HS6ST3: variants seen among roughly 807,000 people sequenced by gnomAD.
HS6ST3 encodes heparan-sulfate 6-O-sulfotransferase 3.
A neutral mutation model predicts 36.7 loss-of-function variants in HS6ST3; 12 were observed. The observed-to-expected ratio is 0.33, with a 90% confidence interval of 0.21 to 0.53. The LOEUF (loss-of-function observed/expected upper bound fraction) is 0.53, where lower values mean the gene tolerates loss of function less well. Ranked by LOEUF, HS6ST3 falls within the 20% of genes least tolerant of loss-of-function variation. HS6ST3 has a pLI of 0.95. For missense variants in HS6ST3, 584 were observed against 640.9 expected, an observed-to-expected ratio of 0.91 and a Z score of 0.96; for synonymous variants, 240 against 257.5, an observed-to-expected ratio of 0.93 and a Z score of 0.65.
rs74107106 is a variant in HS6ST3 at position 96,679,284 on chromosome 13, A to G, written c.708-153206A>G. On this transcript the variant is annotated intron_variant, in intron 1 of 1. Transcript: ENST00000376705. ...CGTAGTATCCTAATATAACAGCTAAAGTGGACTGATGTCTGAGCTAATTAA... is the reference window on the plus strand; with the variant it reads ...CGTAGTATCCTAATATAACAGCTAAGGTGGACTGATGTCTGAGCTAATTAA... 8.2e-3 allele frequency among the ~76,000 whole-genome samples: 1,238 copies of G among 151,720 alleles called. 20 individuals carry two copies. Among genetic ancestry groups the G allele is most frequent in the African/African-American group, 0.028 (1,151 of 41,348 alleles).
chr13:96,753,392 A>G (rs1876745643), intron 1 of HS6ST3, among the ~76,000 whole-genome samples: 1 of 152,184 alleles, frequency 6.6e-6, no homozygotes, highest in South Asian at 2.1e-4. Flanking sequence ...CTTTGATGTT[A>G]TTCAGTAAAG....
chr13:96,786,121 C>T (rs1408729826), intron 1 of HS6ST3, among the ~76,000 whole-genome samples: 1 of 152,098 alleles, frequency 6.6e-6, no homozygotes, highest in Non-Finnish European at 1.5e-5. Flanking sequence ...TCTTTTGTTC[C>T]TGGAACACAC....
At chr13:96,706,797 G>T (rs1875439343) in intron 1 of HS6ST3, among the ~76,000 whole-genome samples, 1 of 151,966 alleles carries the variant, frequency 6.6e-6, no homozygotes, top group East Asian at 1.9e-4. Context: ...TGCTTAGGAG[G>T]CTCACGTGAC....
rs535830675 is a variant in HS6ST3 at position 96,800,058 on chromosome 13, C to A, written c.708-32432C>A. On this transcript the variant is annotated intron_variant, in intron 1 of 1. Transcript: ENST00000376705. Reference sequence around the variant, plus strand: ...AGAGAAAGAGAATAGTTCAGAATTACAGCCGCCTAGTAGAGATCCACAAAT... The same window carrying A: ...AGAGAAAGAGAATAGTTCAGAATTAAAGCCGCCTAGTAGAGATCCACAAAT... Among the ~76,000 whole-genome samples, 8 of 141,408 alleles carry A rather than the reference C, an allele frequency of 5.7e-5. No individual in the cohort carries two copies. In the Admixed American group the frequency reaches 5.9e-4, roughly 10 times the overall value. 92.8% of individuals were successfully genotyped at this position (141,408 alleles called of 152,430 possible).
intron 1 of HS6ST3, among the ~76,000 whole-genome samples, chr13:96,510,526 G>C (rs145209143): frequency 4.0e-4 from 61 of 152,148 alleles, no homozygotes; most frequent in African/African-American, 1.4e-3. Context: ...TCCCCACCAT[G>C]GGTAGCAGCA....
intron 1 of HS6ST3, among the ~76,000 whole-genome samples, chr13:96,725,396 TC>T (rs1312965808): frequency 1.3e-5 from 2 of 152,206 alleles, no homozygotes; most frequent in African/African-American, 4.8e-5. Context: ...ATCATATTTT[TC>T]TTTTATGGAT....
intron 1 of HS6ST3, among the ~76,000 whole-genome samples, chr13:96,594,693 T>C (rs1470550934): frequency 6.6e-6 from 1 of 152,320 alleles, no homozygotes; most frequent in Non-Finnish European, 1.5e-5. Flanking sequence ...TAGTAAATTA[T>C]TAGAGCTATT....
At chr13:96,301,223 C>G (rs1247218821) in intron 1 of HS6ST3, among the ~76,000 whole-genome samples, 1 of 152,124 alleles carries the variant, frequency 6.6e-6, no homozygotes, top group Non-Finnish European at 1.5e-5. Flanking sequence ...TACAGTTAAA[C>G]AAAACAAAAC....
chr13:96,532,163 A>C (rs1202411858), intron 1 of HS6ST3, among the ~76,000 whole-genome samples: 4 of 152,172 alleles, frequency 2.6e-5, no homozygotes, highest in Admixed American at 2.0e-4. Context: ...CTGTATCAGG[A>C]AGACTGAGAA....
intron 1 of HS6ST3, among the ~76,000 whole-genome samples, chr13:96,220,685 G>A (rs2054450860): frequency 6.6e-6 from 1 of 152,008 alleles, no homozygotes; most frequent in Admixed American, 6.6e-5. Context: ...TCTGGCCCAG[G>A]GCTTCTATAA....
intron 1 of HS6ST3, among the ~76,000 whole-genome samples, chr13:96,748,861 T>A (rs187158200): frequency 5.3e-5 from 8 of 152,266 alleles, no homozygotes; most frequent in Non-Finnish European, 1.5e-5. Flanking sequence ...TCTGTATCGG[T>A]ACAAATTCTT....
At chr13:96,093,876 C>A (rs1164569517) in intron 1 of HS6ST3, among the ~76,000 whole-genome samples, 2 of 152,116 alleles carry the variant, frequency 1.3e-5, no homozygotes, top group African/African-American at 4.8e-5. Flanking sequence ...ATGGAGGGTA[C>A]CTTTTCACAA....
intron 1 of HS6ST3, among the ~76,000 whole-genome samples, chr13:96,105,040 T>A (rs1334721314): frequency 6.7e-5 from 9 of 133,356 alleles, no homozygotes; most frequent in African/African-American, 2.5e-4. Flanking sequence ...GGACAAATAA[T>A]GTAATTAACC....
At chr13:96,227,317 T>G (rs986682746) in intron 1 of HS6ST3, among the ~76,000 whole-genome samples, 7 of 152,242 alleles carry the variant, frequency 4.6e-5, no homozygotes, top group African/African-American at 1.7e-4. Context: ...GTCATTTTGA[T>G]AAATGGTCCT....
intron 1 of HS6ST3, among the ~76,000 whole-genome samples, chr13:96,547,520 T>G (rs2056202114): frequency 6.6e-6 from 1 of 152,226 alleles, no homozygotes; most frequent in Admixed American, 6.5e-5. Flanking sequence ...TTAAATGTGA[T>G]AGAATAGCTT....
chr13:96,708,766 T>C (rs1875490458), intron 1 of HS6ST3, among the ~76,000 whole-genome samples: 1 of 152,146 alleles, frequency 6.6e-6, no homozygotes, highest in African/African-American at 2.4e-5. Context: ...TTCTCTGGCA[T>C]GGCAAATTAT....
At chr13:96,112,615 A>G (rs1257277470) in intron 1 of HS6ST3, among the ~76,000 whole-genome samples, 1 of 116,300 alleles carries the variant, frequency 8.6e-6, no homozygotes, top group African/African-American at 3.1e-5. Context: ...ATATATATAT[A>G]TATATATGCC....
At chr13:96,269,903 C>G (rs1404734972) in intron 1 of HS6ST3, among the ~76,000 whole-genome samples, 2 of 151,938 alleles carry the variant, frequency 1.3e-5, no homozygotes, top group Non-Finnish European at 2.9e-5. Flanking sequence ...AATCAACTAT[C>G]TCAGCCACTT....
chr13:96,809,601 C>A lies in HS6ST3; in HGVS notation c.708-22889C>A, dbSNP rs141690925. On this transcript the variant is annotated intron_variant, in intron 1 of 1. Transcript: ENST00000376705. ...GTTCAGGTGTTGCTGTACAGAGGAG[C>A]AGCAGACCACACCTGGAGGGTCACT... 2.8e-3 allele frequency among the ~76,000 whole-genome samples: 429 copies of A among 152,312 alleles called. 3 individuals are homozygous for A. Among genetic ancestry groups the A allele is most frequent in the African/African-American group, 9.4e-3 (391 of 41,566 alleles).
Sources: gnomAD v4.1 joint callset for allele counts (sites outside exome capture counted in the v4.1 genomes callset) on GRCh38, gnomAD v4.1.1 for gene constraint, MANE v1.5 for transcripts, NCBI Gene and HGNC (gene_info 2026-07-23, HGNC 2026-07-21) for gene names.